Variants in SHOC1 observed in about 807,000 individuals in gnomAD.
The protein encoded by SHOC1 is shortage in chiasmata 1, also known as protein shortage in chiasmata 1 ortholog.
In SHOC1, 136 loss-of-function variants were observed where a neutral mutation model predicts 179.2. That is an observed-to-expected ratio of 0.76 (90% CI 0.66 to 0.87). SHOC1 has a LOEUF of 0.87. Ranked by LOEUF, SHOC1 falls within the 40% of genes least tolerant of loss-of-function variation. The pLI, the probability that SHOC1 is intolerant of heterozygous loss-of-function variation, is 0.00. For missense variants in SHOC1, 1,538 were observed against 1,700.8 expected (o/e 0.90, Z 1.68); for synonymous variants, 489 against 586.6 (o/e 0.83, Z 2.41).
chr9:111,722,375 C>A (rs775883148), intron 15 of SHOC1, 34 bp downstream of exon 15: 8 of 1,545,096 alleles, frequency 5.2e-6, no homozygotes, highest in Non-Finnish European at 7.0e-6. Flanking sequence ...CTAAGCATAT[C>A]TTTTTAAATA....
intron 1 of SHOC1, among the ~76,000 whole-genome samples, chr9:111,794,280 A>T (rs1836548730): frequency 9.2e-6 from 1 of 108,280 alleles, no homozygotes. Flanking sequence ...AACCCACTTA[A>T]AAAAAAAAAA....
At chr9:111,787,693 A>G (rs1056644323) in intron 2 of SHOC1, among the ~76,000 whole-genome samples, 2 of 152,264 alleles carry the variant, frequency 1.3e-5, no homozygotes, top group Non-Finnish European at 1.5e-5. Context: ...AGATTATTCC[A>G]TAAACTTAGT....
At chr9:111,712,503 C>T (rs950822818) in intron 18 of SHOC1, among the ~76,000 whole-genome samples, 9 of 151,962 alleles carry the variant, frequency 5.9e-5, no homozygotes, top group African/African-American at 1.9e-4. Flanking sequence ...TAGTATCATG[C>T]GGAGAAAGTT....
intron 11 of SHOC1, among the ~76,000 whole-genome samples, chr9:111,739,554 A>G (rs185260519): frequency 5.3e-4 from 81 of 152,266 alleles, no homozygotes; most frequent in African/African-American, 1.9e-3. Flanking sequence ...AAATGGAATT[A>G]TACCATATGA....
At chr9:111,784,009 G>C (rs181601661) in intron 3 of SHOC1, among the ~76,000 whole-genome samples, 2 of 152,306 alleles carry the variant, frequency 1.3e-5, no homozygotes, top group African/African-American at 4.8e-5. Flanking sequence ...TTTTGTGGGT[G>C]GGGGAAGACT....
chr9:111,747,418 TA>T (rs941658989), intron 9 of SHOC1, among the ~76,000 whole-genome samples: 20 of 151,866 alleles, frequency 1.3e-4, no homozygotes, highest in African/African-American at 2.7e-4. Flanking sequence ...AATTCAAATT[TA>T]AAAAAAATGT....
intron 5 of SHOC1, among the ~76,000 whole-genome samples, chr9:111,765,423 C>A (rs1021684285): frequency 6.6e-6 from 1 of 151,952 alleles, no homozygotes; most frequent in Non-Finnish European, 1.5e-5. Flanking sequence ...CATGGGGAAA[C>A]CCTGTCTCTA....
At chr9:111,737,582 C>A (rs1391721144) in intron 12 of SHOC1, among the ~76,000 whole-genome samples, 1 of 151,872 alleles carries the variant, frequency 6.6e-6, no homozygotes, top group Non-Finnish European at 1.5e-5. Flanking sequence ...ATCACTTGAA[C>A]CCGGGAGGTG....
chr9:111,753,492 T>C (rs1017404330), intron 8 of SHOC1, among the ~76,000 whole-genome samples: 2 of 151,994 alleles, frequency 1.3e-5, no homozygotes, highest in Non-Finnish European at 2.9e-5. Context: ...ATCAAAAGGA[T>C]AAAAAATTTT....
rs151177644 is a variant in SHOC1 at position 111,707,908 on chromosome 9, G to A, written c.2505C>T (p.Val835=). ...AATCTTTTCTTTCATTTGAATGAAG[G>A]ACAGTCAGTGTTAAACCTGTTGGAA... ...LNKIEGLTLT[V]LHSNERKDFL... The change falls in exon 19 of 28, where the codon GTC becomes GTT. Residue 835 remains valine (V), a synonymous_variant. Transcript: ENST00000682961. 2.8e-3 allele frequency: 4,458 copies of A among 1,578,336 alleles called. 12 individuals carry two copies. The highest frequency in any genetic ancestry group is 5.9e-3 in the South Asian group (495 of 84,464).
chr9:111,714,340 G>A, intron 17 of SHOC1, 105 bp downstream of exon 17: 1 of 1,081,718 alleles, frequency 9.2e-7, no homozygotes, highest in Non-Finnish European at 1.4e-6. Flanking sequence ...AAGGGACTAA[G>A]TAGTATAGAC....
intron 24 of SHOC1, among the ~76,000 whole-genome samples, chr9:111,699,372 T>A (rs1455296548): frequency 6.6e-6 from 1 of 152,212 alleles, no homozygotes; most frequent in African/African-American, 2.4e-5. Context: ...AGATTCCCAG[T>A]AGTCTGCTAG....
intron 9 of SHOC1, among the ~76,000 whole-genome samples, chr9:111,746,650 C>T (rs868792870): frequency 2.0e-5 from 3 of 152,104 alleles, no homozygotes; most frequent in South Asian, 2.1e-4. Context: ...ACCTGGGCAA[C>T]AGAGCAAGCC....
intron 5 of SHOC1, among the ~76,000 whole-genome samples, chr9:111,769,434 C>T (rs1835478216): frequency 6.6e-6 from 1 of 152,054 alleles, no homozygotes; most frequent in Non-Finnish European, 1.5e-5. Flanking sequence ...TCTTATTACT[C>T]ATCATTGGTT....
At chr9:111,772,536 T>C (rs767687376) in intron 5 of SHOC1, among the ~76,000 whole-genome samples, 2 of 152,254 alleles carry the variant, frequency 1.3e-5, no homozygotes, top group African/African-American at 4.8e-5. Flanking sequence ...GCTTCCTCTA[T>C]TCAACTTGTC....
At chr9:111,714,298 G>T in intron 17 of SHOC1, 147 bp downstream of exon 17, 1 of 695,810 alleles carries the variant, frequency 1.4e-6, no homozygotes, top group Non-Finnish European at 2.3e-6. Flanking sequence ...GTCTGATTCT[G>T]TTCTGTTACC....
At chr9:111,741,656 CAG>C (rs1367774410) in intron 10 of SHOC1, 86 bp from the exon 11 acceptor site, 7 of 673,728 alleles carry the variant, frequency 1.0e-5, no homozygotes, top group African/African-American at 1.9e-5. Context: ...TTTTTTGAGG[CAG>C]AGTCTCGCTC....
chr9:111,759,301 G>A, intron 5 of SHOC1: 1 of 1,609,556 alleles, frequency 6.2e-7, no homozygotes, highest in Non-Finnish European at 8.5e-7. Flanking sequence ...AGGGAATGGA[G>A]ATGGTCTACA....
chr9:111,687,021 C>G, intron 27 of SHOC1, 151 bp from the exon 28 acceptor site: 1 of 412,440 alleles, frequency 2.4e-6, no homozygotes, highest in South Asian at 2.9e-5. Context: ...TCTCGGCTCA[C>G]TTGCAACATC....
Sources: allele counts gnomAD v4.1 joint callset (sites outside exome capture counted in the v4.1 genomes callset), GRCh38; gene constraint gnomAD v4.1.1; transcripts MANE v1.5; gene names NCBI Gene and HGNC (gene_info 2026-07-23, HGNC 2026-07-21).